The following WDFY1 variants were observed in gnomAD, a reference collection of about 807,000 sequenced individuals.
WDFY1 encodes WD repeat and FYVE domain containing 1.
A neutral mutation model predicts 56.4 loss-of-function variants in WDFY1; 32 were observed. That is an observed-to-expected ratio of 0.57 (90% confidence interval 0.43 to 0.76). The LOEUF (loss-of-function observed/expected upper bound fraction) is 0.76. WDFY1 is among the 30% of genes least tolerant of loss of function. The pLI, the probability that WDFY1 is intolerant of heterozygous loss-of-function variation, is 0.00. For missense variants in WDFY1, 480 were observed against 545.7 expected, an observed-to-expected ratio of 0.88 and a Z score of 1.20; for synonymous variants, 192 against 197.3, an observed-to-expected ratio of 0.97 and a Z score of 0.23.
intron 1 of WDFY1, among the ~76,000 whole-genome samples, chr2:223,929,172 TTTTC>T (rs1376926567): frequency 8.6e-6 from 1 of 115,704 alleles, no homozygotes; most frequent in African/African-American, 3.2e-5. Context: ...TTCTTTTTTT[TTTTC>T]TTTCTGTTTT....
intron 6 of WDFY1, 148 bp from the exon 7 acceptor site, chr2:223,895,778 G>T: frequency 1.0e-6 from 1 of 986,256 alleles, no homozygotes; most frequent in Non-Finnish European, 1.5e-6. Context: ...GTGTACAACG[G>T]GTCATTCAAC....
intron 1 of WDFY1, among the ~76,000 whole-genome samples, chr2:223,923,522 G>A (rs1314358133): frequency 2.6e-5 from 4 of 152,130 alleles, no homozygotes; most frequent in East Asian, 1.9e-4. Flanking sequence ...AGCACTTTGG[G>A]AGGCCGAGGC....
In WDFY1 at chr2:223,877,642, A is replaced by G. The variant is rs1366140549; in HGVS notation, c.*1029T>C. Reference sequence around the variant, plus strand: ...TGGATGATTATAGCTCTGGGTCACTAACTTCTTTTTATGAAAACATGAATA... The same window carrying G: ...TGGATGATTATAGCTCTGGGTCACTGACTTCTTTTTATGAAAACATGAATA... On this transcript the variant is annotated 3_prime_UTR_variant, in exon 12 of 12. Transcript: ENST00000233055. The G allele has an allele frequency of 6.6e-6, 1 of 152,248 alleles. No homozygotes were observed. The highest frequency in any genetic ancestry group is 1.5e-5 in the Non-Finnish European group (1 of 68,046). The allele number at this position is 152,248 out of a possible 1,614,324, so 9.4% of individuals were successfully genotyped here.
chr2:223,890,396 C>CA (rs1213018245), intron 8 of WDFY1, among the ~76,000 whole-genome samples: 1 of 152,078 alleles, frequency 6.6e-6, no homozygotes, highest in East Asian at 1.9e-4. Flanking sequence ...CGCTTGAGCC[C>CA]AGGAGGCAGA....
At chr2:223,944,984 G>A (rs1270803750) in intron 1 of WDFY1, among the ~76,000 whole-genome samples, 164 bp downstream of exon 1, 1 of 152,190 alleles carries the variant, frequency 6.6e-6, no homozygotes, top group Non-Finnish European at 1.5e-5. Flanking sequence ...AGGACCGGCG[G>A]GAGGGAACCG....
At chr2:223,938,806 A>C (rs1689245576) in intron 1 of WDFY1, among the ~76,000 whole-genome samples, 1 of 151,976 alleles carries the variant, frequency 6.6e-6, no homozygotes, top group South Asian at 2.1e-4. Context: ...GACCCCAGGT[A>C]AATATATCCC....
At chr2:223,916,540 C>T (rs1049514589) in intron 2 of WDFY1, among the ~76,000 whole-genome samples, 5 of 152,126 alleles carry the variant, frequency 3.3e-5, no homozygotes, top group Non-Finnish European at 7.4e-5. Context: ...AGGGGGTTGT[C>T]CTCTGTGTAT....
chr2:223,894,467 T>C (rs1294510821), intron 7 of WDFY1, 128 bp from the exon 8 acceptor site: 3 of 824,638 alleles, frequency 3.6e-6, no homozygotes, highest in Non-Finnish European at 4.0e-6. Flanking sequence ...CTATTTAGCA[T>C]GGTAAAATGA....
intron 6 of WDFY1, among the ~76,000 whole-genome samples, chr2:223,897,390 A>ATATTTTTTTT (rs1461451983): frequency 7.9e-5 from 10 of 125,992 alleles, no homozygotes; most frequent in Non-Finnish European, 1.3e-4. Flanking sequence ...ATATATATAT[A>ATATTTTTTTT]TTTTTTAAGA....
Position 223,878,116 on chromosome 2 carries a change from T to A in WDFY1, c.*555A>T, listed in dbSNP as rs1276633706. The A allele has an allele frequency of 6.6e-6, 1 of 152,278 alleles. No individual in the cohort carries two copies. Among genetic ancestry groups the A allele is most frequent in the Non-Finnish European group, 1.5e-5 (1 of 68,058 alleles). The allele number at this position is 152,278 out of a possible 1,614,324, so 9.4% of individuals were successfully genotyped here. A position where few individuals can be genotyped will look rare whatever the true frequency, so the allele number is the denominator to read the frequency against. ...TATGGCACTACCTGAAAATAACAGA[T>A]CTCTTTAAGAAGTTTATCAATAACT... is the stretch of plus-strand genomic sequence containing the variant. On this transcript the variant is annotated 3_prime_UTR_variant, in exon 12 of 12. Transcript: ENST00000233055.
chr2:223,915,729 T>C (rs890703005), intron 2 of WDFY1, among the ~76,000 whole-genome samples: 2 of 152,170 alleles, frequency 1.3e-5, no homozygotes, highest in African/African-American at 2.4e-5. Flanking sequence ...AACTCTCAGA[T>C]CTATCTCTGG....
At chr2:223,932,525 A>C (rs1694096919) in intron 1 of WDFY1, among the ~76,000 whole-genome samples, 1 of 152,184 alleles carries the variant, frequency 6.6e-6, no homozygotes, top group African/African-American at 2.4e-5. Flanking sequence ...AAACAGCAAT[A>C]TCTCTGAAAC....
At position 223,875,492 on chromosome 2, in the gene WDFY1, C is replaced by A. The variant is rs1470124548; in HGVS notation, c.*3179G>T. ...ATATCTTATAGAAACATAGCTAGTACAAGAACAAAGTGTACTAATTAACAT... is the reference window on the plus strand; with the variant it reads ...ATATCTTATAGAAACATAGCTAGTAAAAGAACAAAGTGTACTAATTAACAT... On this transcript the variant is annotated 3_prime_UTR_variant, in exon 12 of 12. Transcript: ENST00000233055. 4 of 151,968 alleles carry A rather than the reference C, an allele frequency of 2.6e-5. No individual in the cohort carries two copies. 9.4% of individuals were successfully genotyped at this position (151,968 alleles called of 1,614,324 possible).
Position 223,895,498 on chromosome 2 carries a change from A to T in WDFY1, c.725+6T>A. ...TCTTTCCCCACCCCCACAAGTGGTC[A>T]CGCACTGATGGCCCTGAAGTAACAG... On this transcript the variant is annotated splice_donor_region_variant and intron_variant, in intron 7 of 11. Coordinates refer to ENST00000233055, the MANE Select transcript of WDFY1 (RefSeq NM_020830.5). The T allele has an allele frequency of 1.9e-6, 3 of 1,613,892 alleles. No homozygotes were observed. Among genetic ancestry groups the T allele is most frequent in the Non-Finnish European group, 2.5e-6 (3 of 1,179,856 alleles).
chr2:223,900,496 G>A (rs1693488090), intron 5 of WDFY1, among the ~76,000 whole-genome samples: 1 of 152,138 alleles, frequency 6.6e-6, no homozygotes, highest in African/African-American at 2.4e-5. Context: ...ACAGCAGGCA[G>A]AGGTATCCTT....
At chr2:223,899,174 T>C (rs760766012) in intron 5 of WDFY1, 104 bp from the exon 6 acceptor site, 13 of 893,064 alleles carry the variant, frequency 1.5e-5, no homozygotes, top group East Asian at 2.5e-5. Flanking sequence ...TTAGAAAACA[T>C]GCATTTTAAA....
intron 9 of WDFY1, 121 bp from the exon 10 acceptor site, chr2:223,882,193 C>CA (rs1693084924): frequency 7.8e-7 from 1 of 1,284,612 alleles, no homozygotes; most frequent in African/African-American, 1.5e-5. Context: ...CGGCTCACTG[C>CA]AACCTCTGGC....
intron 8 of WDFY1, among the ~76,000 whole-genome samples, chr2:223,890,111 G>T (rs684700): frequency 0.93 from 141,387 of 152,242 alleles, 65,734 homozygotes; most frequent in South Asian, 0.96. Context: ...ATGGTCCTGG[G>T]CTAGGGCAAC....
chr2:223,903,626 TACAC>T (rs74181334), intron 4 of WDFY1, among the ~76,000 whole-genome samples: 1 of 140,140 alleles, frequency 7.1e-6, no homozygotes, highest in South Asian at 2.2e-4. Flanking sequence ...AGATGAAAAA[TACAC>T]ACACACACAC....
Sources: gnomAD v4.1 joint callset for allele counts (sites outside exome capture counted in the v4.1 genomes callset) on GRCh38, gnomAD v4.1.1 for gene constraint, MANE v1.5 for transcripts, NCBI Gene and HGNC (gene_info 2026-07-23, HGNC 2026-07-21) for gene names.